ADAM23: variants seen among roughly 807,000 people sequenced by gnomAD.
The protein encoded by ADAM23 is ADAM metallopeptidase domain 23.
A neutral mutation model predicts 120.1 loss-of-function variants in ADAM23; 33 were observed. The observed-to-expected ratio is 0.27, with a 90% CI of 0.21 to 0.37. The LOEUF (loss-of-function observed/expected upper bound fraction) is 0.37, where lower values mean the gene tolerates loss of function less well. Among genes scored for constraint, ADAM23 ranks in the 10% least tolerant of loss-of-function variants. The pLI, the probability that ADAM23 is intolerant of heterozygous loss-of-function variation, is 1.00. For synonymous variants in ADAM23, 367 were observed against 375.2 expected (o/e 0.98, Z 0.25); for missense variants, 862 against 1,058.2 (o/e 0.81, Z 2.57).
chr2:206,594,935 C>T, intron 23 of ADAM23, 30 bp downstream of exon 23: 1 of 1,612,300 alleles, frequency 6.2e-7, no homozygotes, highest in Non-Finnish European at 8.5e-7. Flanking sequence ...ACAGCTGGAA[C>T]CTTCATGGTC....
rs1695407238 is a variant in ADAM23, at chr2:206,461,061, T to A, written c.432+15537T>A. Among the ~76,000 whole-genome samples, 7 of 151,034 alleles carry A rather than the reference T, an allele frequency of 4.6e-5. No homozygotes were observed. The South Asian group carries it at 1.5e-3, about 31-fold the overall frequency. On this transcript the variant is annotated intron_variant, in intron 2 of 25. Transcript: ENST00000264377. ...TTAATTTCTTTCATTCTTTTTCTTC[T>A]TCTTTTTTTTTTTTTTTTTGAGATG...
intron 25 of ADAM23, among the ~76,000 whole-genome samples, chr2:206,611,977 C>T (rs1354125375): frequency 6.6e-6 from 1 of 152,128 alleles, no homozygotes. Flanking sequence ...GAGTCAAAGC[C>T]CCTTCCTGTG....
At chr2:206,524,316 C>G (rs1696902483) in intron 3 of ADAM23, among the ~76,000 whole-genome samples, 1 of 152,192 alleles carries the variant, frequency 6.6e-6, no homozygotes, top group African/African-American at 2.4e-5. Flanking sequence ...TGGCAAGGTG[C>G]ATGGCTAGTC....
chr2:206,497,180 C>T (rs1391744832), intron 3 of ADAM23, among the ~76,000 whole-genome samples: 1 of 152,262 alleles, frequency 6.6e-6, no homozygotes, highest in Non-Finnish European at 1.5e-5. Flanking sequence ...GATACCAAAG[C>T]CTGGCAGAGA....
At chr2:206,549,695 T>G (rs1228299016) in intron 8 of ADAM23, among the ~76,000 whole-genome samples, 2 of 152,036 alleles carry the variant, frequency 1.3e-5, no homozygotes. Flanking sequence ...TAAATGAGTT[T>G]TACATAGATT....
chr2:206,470,778 T>C (rs2105868464), intron 2 of ADAM23, among the ~76,000 whole-genome samples: 1 of 152,280 alleles, frequency 6.6e-6, no homozygotes, highest in South Asian at 2.1e-4. Context: ...CAGAATTCAG[T>C]GCAAAGGACA....
chr2:206,565,005 G>A lies in ADAM23; in HGVS notation c.1346-15G>A, dbSNP rs1460426392. The A allele has an allele frequency of 1.9e-6, 3 of 1,612,868 alleles. No individual in the cohort carries two copies. The highest frequency in any genetic ancestry group is 3.3e-5 in the Admixed American group (2 of 59,862). On this transcript the variant is annotated splice_polypyrimidine_tract_variant and intron_variant, in intron 13 of 25. Coordinates refer to ENST00000264377, the MANE Select transcript of ADAM23 (RefSeq NM_003812.4). The stretch of plus-strand genomic sequence containing the variant: ...TCCTTTTTCTTCTGTTGCTTTTATT[G>A]TTTTATTGGACCAGAATGTGACTGC...
chr2:206,498,720 C>T (rs2105891508), intron 3 of ADAM23, among the ~76,000 whole-genome samples: 1 of 152,248 alleles, frequency 6.6e-6, no homozygotes, highest in South Asian at 2.1e-4. Flanking sequence ...AGGCAGCCTA[C>T]AGAATGGGAG....
intron 10 of ADAM23, among the ~76,000 whole-genome samples, chr2:206,558,444 A>G (rs1046856593): frequency 6.6e-6 from 1 of 152,154 alleles, no homozygotes; most frequent in African/African-American, 2.4e-5. Flanking sequence ...CAAACCTCCA[A>G]TCATGTAAAT....
At chr2:206,579,961 T>G (rs145337625) in intron 18 of ADAM23, among the ~76,000 whole-genome samples, 12,336 of 148,646 alleles carry the variant, frequency 0.083, 617 homozygotes, top group Admixed American at 0.14. Context: ...TCCTAAGTAT[T>G]TTTTTTTTTT....
At chr2:206,588,220 C>A in intron 20 of ADAM23, 66 bp downstream of exon 20, 1 of 1,530,780 alleles carries the variant, frequency 6.5e-7, no homozygotes, top group South Asian at 1.1e-5. Context: ...TCTTCTCTGC[C>A]AGTCTTGCTG....
At chr2:206,444,228 C>A in intron 1 of ADAM23, 148 bp downstream of exon 1, 1 of 577,266 alleles carries the variant, frequency 1.7e-6, no homozygotes, top group Non-Finnish European at 2.5e-6. Flanking sequence ...TTCTCGTTCC[C>A]AAACCCCCAT....
At chr2:206,588,245 C>G (rs1191506615) in intron 20 of ADAM23, 91 bp downstream of exon 20, 2 of 1,329,204 alleles carry the variant, frequency 1.5e-6, no homozygotes, top group Non-Finnish European at 2.1e-6. Flanking sequence ...AGATGCACAG[C>G]TTGGAGTGAT....
Position 206,560,020 on chromosome 2 carries a change from T to G in ADAM23, c.1071T>G (p.Asp357Glu), listed in dbSNP as rs760304584. The G allele has an allele frequency of 6.2e-7, 1 of 1,614,090 alleles. No individual in the cohort carries two copies. Among genetic ancestry groups the G allele is most frequent in the Non-Finnish European group, 8.5e-7 (1 of 1,179,996 alleles). Residue 357 changes from aspartate (D) to glutamate (E), a missense_variant, in exon 11 of 26, where the codon GAT (aspartate) becomes GAG (glutamate). Asp to Glu is a conservative substitution (Grantham distance 45, BLOSUM62 2). This residue lies in a region of ADAM23 where 617 missense variants were observed against 813.5 expected (regional missense o/e 0.76). Coordinates refer to ENST00000264377, the MANE Select transcript of ADAM23 (RefSeq NM_003812.4). Reference sequence around the variant, plus strand: ...CTGTAGAGACCTGGACTGAGAAGGATCAGATTGACATCACCACCAACCCTG... The same window carrying G: ...CTGTAGAGACCTGGACTGAGAAGGAGCAGATTGACATCACCACCAACCCTG... ...LVAVETWTEKDQIDITTNPVQ... is the reference protein window; with the variant it reads ...LVAVETWTEKEQIDITTNPVQ...
At position 206,620,050 on chromosome 2, in the gene ADAM23, A is replaced by G. The variant is rs74971765; in HGVS notation, c.*2423A>G. 0.059 allele frequency: 9,051 copies of G among 152,132 alleles called. 338 individuals carry two copies. The highest frequency in any genetic ancestry group is 0.13 in the Middle Eastern group (39 of 294). 9.4% of individuals were successfully genotyped at this position (152,132 alleles called of 1,614,324 possible). A position where few individuals can be genotyped will look rare whatever the true frequency, so the allele number is the denominator to read the frequency against. On this transcript the variant is annotated 3_prime_UTR_variant, in exon 26 of 26. Coordinates refer to ENST00000264377, the MANE Select transcript of ADAM23 (RefSeq NM_003812.4). ...TAGTGTTTCCTTGTTGCTGGGTCCT[A>G]CTCTCTAGTAGATACTAAACTGCTG... is the stretch of plus-strand genomic sequence containing the variant.
At chr2:206,480,590 A>G (rs1391056065) in intron 2 of ADAM23, among the ~76,000 whole-genome samples, 2 of 151,990 alleles carry the variant, frequency 1.3e-5, no homozygotes, top group African/African-American at 4.8e-5. Context: ...AATCTTTAAC[A>G]TCTAGTAAAT....
At chr2:206,574,774 A>G (rs955613408) in intron 18 of ADAM23, among the ~76,000 whole-genome samples, 4 of 152,170 alleles carry the variant, frequency 2.6e-5, no homozygotes, top group Non-Finnish European at 4.4e-5. Context: ...TCTTCTTCCC[A>G]TTAAGCTTAT....
intron 15 of ADAM23, among the ~76,000 whole-genome samples, chr2:206,567,832 G>C (rs1697919669): frequency 6.6e-6 from 1 of 152,144 alleles, no homozygotes; most frequent in South Asian, 2.1e-4. Context: ...TGGCTAGGGA[G>C]GCCTCAGGAA....
chr2:206,517,332 A>G (rs1574508998), intron 3 of ADAM23, among the ~76,000 whole-genome samples: 1 of 151,840 alleles, frequency 6.6e-6, no homozygotes, highest in Non-Finnish European at 1.5e-5. Context: ...GCTACCTCAG[A>G]CCCCTCATTG....
Sources: allele counts gnomAD v4.1 joint callset (sites outside exome capture counted in the v4.1 genomes callset), GRCh38; gene constraint gnomAD v4.1.1; regional missense constraint gnomAD v4.1.1; transcripts MANE v1.5; gene names NCBI Gene and HGNC (gene_info 2026-07-23, HGNC 2026-07-21).